The following ZNF532 variants were observed in gnomAD, a reference collection of about 807,000 sequenced individuals.
ZNF532 encodes zinc finger protein 532.
Under a neutral mutation model 89.3 loss-of-function variants are expected in ZNF532, and 22 were observed. The observed-to-expected ratio is 0.25, with a 90% CI of 0.18 to 0.35. The LOEUF is 0.35. Ranked by LOEUF, ZNF532 falls within the 10% of genes least tolerant of loss-of-function variation. ZNF532 has a pLI of 1.00. For missense variants in ZNF532, 1,132 were observed against 1,643.4 expected (o/e 0.69, Z 5.38); for synonymous variants, 606 against 649.6 (o/e 0.93, Z 1.02).
intron 3 of ZNF532, among the ~76,000 whole-genome samples, chr18:58,921,263 G>A (rs1603113451): frequency 6.6e-6 from 1 of 152,210 alleles, no homozygotes; most frequent in Admixed American, 6.5e-5. Flanking sequence ...GGATTATAGT[G>A]TCATCCCATT....
intron 2 of ZNF532, among the ~76,000 whole-genome samples, chr18:58,897,037 C>T (rs549105059): frequency 2.4e-3 from 366 of 152,168 alleles, no homozygotes; most frequent in Middle Eastern, 6.8e-3. Context: ...AAGCTTTTTT[C>T]TCTTCTCTTT....
intron 5 of ZNF532, among the ~76,000 whole-genome samples, chr18:58,944,295 G>A (rs952603900): frequency 3.3e-5 from 5 of 152,118 alleles, no homozygotes; most frequent in African/African-American, 1.2e-4. Flanking sequence ...CTGAGTATGG[G>A]TATTTGGTTT....
intron 3 of ZNF532, among the ~76,000 whole-genome samples, chr18:58,933,185 A>AT (rs1343085421): frequency 2.6e-5 from 4 of 152,016 alleles, no homozygotes. Context: ...AAGGGGTGCT[A>AT]TTTTTTTAAT....
chr18:58,903,313 G>A (rs746820031), intron 2 of ZNF532, among the ~76,000 whole-genome samples: 7 of 152,186 alleles, frequency 4.6e-5, no homozygotes, highest in African/African-American at 7.2e-5. Context: ...AAACACACGC[G>A]GAACCGCAGC....
At chr18:58,905,893 T>C (rs2059905315) in intron 2 of ZNF532, among the ~76,000 whole-genome samples, 1 of 152,186 alleles carries the variant, frequency 6.6e-6, no homozygotes, top group South Asian at 2.1e-4. Flanking sequence ...TTCGATGACC[T>C]TGACAGTTGT....
intron 6 of ZNF532, among the ~76,000 whole-genome samples, chr18:58,949,157 A>T (rs1338563660): frequency 1.3e-5 from 2 of 151,704 alleles, no homozygotes; most frequent in Non-Finnish European, 2.9e-5. Context: ...GGACTGTTTT[A>T]CTCTCCAACC....
chr18:58,863,989 TG>T, upstream of ZNF532: 1 of 151,168 alleles, frequency 6.6e-6, no homozygotes, highest in Non-Finnish European at 1.5e-5. Context: ...CCAGCTGGCT[TG>T]GGGGGCCGAG....
At chr18:58,981,702 G>A in intron 9 of ZNF532, 85 bp downstream of exon 9, 1 of 1,548,302 alleles carries the variant, frequency 6.5e-7, no homozygotes, top group South Asian at 1.2e-5. Flanking sequence ...AGTTTTTGTT[G>A]CATAGTTACA....
At chr18:58,886,949 C>CT (rs1430709013) in intron 2 of ZNF532, among the ~76,000 whole-genome samples, 1 of 152,156 alleles carries the variant, frequency 6.6e-6, no homozygotes, top group African/African-American at 2.4e-5. Context: ...TGGAGATGTT[C>CT]TTTCATTAGC....
chr18:58,893,004 T>G (rs988447614), intron 2 of ZNF532, among the ~76,000 whole-genome samples: 4 of 145,130 alleles, frequency 2.8e-5, no homozygotes, highest in Non-Finnish European at 4.5e-5. Context: ...TTTTTTGAGA[T>G]GGAGTCTTGC....
Position 58,888,866 on chromosome 18 carries a change from ATAATATATATT to A in ZNF532, c.-18+23288_-18+23298del, listed in dbSNP as rs1568248452. ...TTATATATATATAATTTATATATATATAATATATATTATATATATATATTTTATATATATAT... is the reference window on the plus strand; with the variant it reads ...TTATATATATATAATTTATATATATAATATATATATATTTTATATATATAT... On this transcript the variant is annotated intron_variant, in intron 2 of 9. Transcript: ENST00000591808. Among the ~76,000 whole-genome samples, 439 of 53,028 alleles carry A rather than the reference ATAATATATATT, an allele frequency of 8.3e-3. 34 individuals are homozygous for A. Among genetic ancestry groups the A allele is most frequent in the African/African-American group, 0.035 (393 of 11,182 alleles). 34.8% of individuals were successfully genotyped at this position (53,028 alleles called of 152,430 possible).
At position 58,986,471 on chromosome 18, in the gene ZNF532, C is replaced by A. The variant is rs1482144264; in HGVS notation, c.*2005C>A. ...TTATTCAACAAATAAAAAGTATGTA[C>A]AAAACATGATACAGAATTTTTGTTT... On this transcript the variant is annotated 3_prime_UTR_variant, in exon 10 of 10. Transcript: ENST00000591808. The A allele has an allele frequency of 6.6e-6, 1 of 152,538 alleles. No homozygotes were observed. The highest frequency in any genetic ancestry group is 1.5e-5 in the Non-Finnish European group (1 of 68,006). The allele number at this position is 152,538 out of a possible 1,614,324, so 9.4% of individuals were successfully genotyped here.
At chr18:58,899,532 G>C (rs1329264548) in intron 2 of ZNF532, among the ~76,000 whole-genome samples, 10 of 151,952 alleles carry the variant, frequency 6.6e-5, no homozygotes, top group African/African-American at 2.2e-4. Flanking sequence ...GCAGTGGCGC[G>C]ATCTTGACTC....
intron 7 of ZNF532, among the ~76,000 whole-genome samples, chr18:58,965,875 C>T (rs188776005): frequency 4.7e-4 from 71 of 152,284 alleles, no homozygotes; most frequent in East Asian, 3.7e-3. Flanking sequence ...AGGGACAGAG[C>T]CTCTTCCTGC....
intron 7 of ZNF532, among the ~76,000 whole-genome samples, chr18:58,963,416 G>A (rs563094026): frequency 7.0e-4 from 106 of 152,260 alleles, no homozygotes; most frequent in Non-Finnish European, 1.2e-3. Context: ...AGGAAAGTGG[G>A]AGAATGAAAG....
intron 2 of ZNF532, among the ~76,000 whole-genome samples, chr18:58,901,918 C>T (rs987534096): frequency 6.6e-6 from 1 of 152,212 alleles, no homozygotes; most frequent in Non-Finnish European, 1.5e-5. Flanking sequence ...CTCCCTGAGG[C>T]TGCCTCCCTT....
At chr18:58,943,433 T>A (rs2063383187) in intron 5 of ZNF532, among the ~76,000 whole-genome samples, 1 of 150,838 alleles carries the variant, frequency 6.6e-6, no homozygotes, top group African/African-American at 2.4e-5. Context: ...GTGCTGGGAT[T>A]ACAGGCATAA....
intron 2 of ZNF532, among the ~76,000 whole-genome samples, chr18:58,909,630 A>G: frequency 6.6e-6 from 1 of 152,186 alleles, no homozygotes; most frequent in East Asian, 1.9e-4. Context: ...GATGACCAGA[A>G]AATGAAATTC....
intron 2 of ZNF532, among the ~76,000 whole-genome samples, chr18:58,887,781 G>A (rs1315609243): frequency 2.0e-5 from 3 of 152,188 alleles, no homozygotes; most frequent in Non-Finnish European, 4.4e-5. Flanking sequence ...CCTATCTGAA[G>A]GCTGGAGACC....
Sources: allele counts gnomAD v4.1 joint callset (sites outside exome capture counted in the v4.1 genomes callset), GRCh38; gene constraint gnomAD v4.1.1; transcripts MANE v1.5; gene names NCBI Gene and HGNC (gene_info 2026-07-23, HGNC 2026-07-21).